The following CDH12 variants were observed in gnomAD, a reference collection of about 807,000 sequenced individuals.
CDH12 encodes the protein cadherin-12.
Under a neutral mutation model 74.1 loss-of-function variants are expected in CDH12, and 41 were observed. The ratio of observed to expected loss-of-function variants is 0.55; its 90% CI spans 0.43 to 0.72. The LOEUF (loss-of-function observed/expected upper bound fraction) is 0.72, where lower values mean the gene tolerates loss of function less well. Ranked by LOEUF, CDH12 falls within the 30% of genes least tolerant of loss-of-function variation. CDH12 has a pLI of 0.00. For missense variants in CDH12, 945 were observed against 977.2 expected, an observed-to-expected ratio of 0.97 and a Z score of 0.44; for synonymous variants, 399 against 355.0, an observed-to-expected ratio of 1.12 and a Z score of -1.39.
intron 1 of CDH12, among the ~76,000 whole-genome samples, chr5:22,850,794 T>C (rs1426260383): frequency 6.6e-6 from 1 of 152,094 alleles, no homozygotes; most frequent in African/African-American, 2.4e-5. Flanking sequence ...AGCCCTTAGA[T>C]TTTATATTTT....
At chr5:21,968,087 G>T (rs1756669189) in intron 6 of CDH12, among the ~76,000 whole-genome samples, 1 of 152,168 alleles carries the variant, frequency 6.6e-6, no homozygotes, top group South Asian at 2.1e-4. Flanking sequence ...AAGGGCAATG[G>T]TAAATACTGA....
At chr5:22,842,876 A>G (rs977093931) in intron 1 of CDH12, among the ~76,000 whole-genome samples, 10 of 152,106 alleles carry the variant, frequency 6.6e-5, no homozygotes, top group Admixed American at 3.3e-4. Flanking sequence ...AACAACAAGC[A>G]ATAAGCCAAA....
intron 4 of CDH12, chr5:22,142,206 T>C (rs1746842043): frequency 6.1e-6 from 1 of 164,508 alleles, no homozygotes; most frequent in South Asian, 1.6e-4. Flanking sequence ...ACAGAAGATA[T>C]CATTTTGGGA....
At chr5:22,342,659 TTC>T (rs1171865006) in intron 3 of CDH12, among the ~76,000 whole-genome samples, 5 of 150,280 alleles carry the variant, frequency 3.3e-5, no homozygotes, top group African/African-American at 9.8e-5. Flanking sequence ...TTTTCTTTCT[TTC>T]TCTTTCTTTC....
chr5:22,287,629 A>G (rs1737210588), intron 3 of CDH12, among the ~76,000 whole-genome samples: 1 of 151,298 alleles, frequency 6.6e-6, no homozygotes, highest in African/African-American at 2.4e-5. Flanking sequence ...AGGCTGAGGC[A>G]GGAGAATGGC....
chr5:22,739,394 A>T (rs1226157610), intron 1 of CDH12, among the ~76,000 whole-genome samples: 2 of 152,026 alleles, frequency 1.3e-5, no homozygotes, highest in Non-Finnish European at 2.9e-5. Context: ...AATGTTGTCC[A>T]CTTTTCTCCC....
chr5:22,451,097 A>T (rs1057146328), intron 2 of CDH12, among the ~76,000 whole-genome samples: 4 of 151,778 alleles, frequency 2.6e-5, no homozygotes, highest in African/African-American at 9.7e-5. Context: ...TATGCATTGC[A>T]CTTACTACTA....
intron 3 of CDH12, among the ~76,000 whole-genome samples, chr5:22,394,766 G>A (rs1742388590): frequency 1.3e-5 from 2 of 152,070 alleles, no homozygotes; most frequent in South Asian, 4.1e-4. Flanking sequence ...TGGTTTCACA[G>A]GTTCATAAAT....
intron 1 of CDH12, among the ~76,000 whole-genome samples, chr5:22,561,948 ATAAT>A (rs1448403672): frequency 2.6e-5 from 4 of 152,186 alleles, no homozygotes; most frequent in African/African-American, 9.6e-5. Context: ...CTTATTGAAG[ATAAT>A]TAAGGAAATA....
intron 6 of CDH12, among the ~76,000 whole-genome samples, chr5:21,927,818 C>A (rs994992702): frequency 1.3e-5 from 2 of 151,600 alleles, no homozygotes; most frequent in Non-Finnish European, 2.9e-5. Flanking sequence ...GTCTGTAATC[C>A]CAGCACTTTG....
intron 3 of CDH12, among the ~76,000 whole-genome samples, chr5:22,356,272 CTTTA>C (rs962779151): frequency 2.0e-5 from 3 of 152,084 alleles, no homozygotes; most frequent in African/African-American, 7.2e-5. Context: ...GTTTTAAAAA[CTTTA>C]TTTATATGAC....
chr5:22,841,341 T>A (rs1026712071), intron 1 of CDH12, among the ~76,000 whole-genome samples: 1 of 152,080 alleles, frequency 6.6e-6, no homozygotes, highest in African/African-American at 2.4e-5. Flanking sequence ...CTTGAGTAAT[T>A]GGAAGGATGG....
At chr5:22,309,345 A>G (rs1304013725) in intron 3 of CDH12, among the ~76,000 whole-genome samples, 1 of 152,220 alleles carries the variant, frequency 6.6e-6, no homozygotes, top group Non-Finnish European at 1.5e-5. Context: ...ACAGAACCAC[A>G]TAAAGAAAAA....
chr5:22,837,560 T>C (rs1370388776), intron 1 of CDH12, among the ~76,000 whole-genome samples: 1 of 152,088 alleles, frequency 6.6e-6, no homozygotes, highest in African/African-American at 2.4e-5. Context: ...CACCAATAGG[T>C]TGTTGACATT....
intron 1 of CDH12, among the ~76,000 whole-genome samples, chr5:22,713,373 CCTCATGAT>C (rs1360245316): frequency 1.1e-4 from 16 of 151,912 alleles, no homozygotes. Flanking sequence ...AATCTCTTGA[CCTCATGAT>C]CTGCCCACCT....
intron 4 of CDH12, chr5:22,172,550 T>C (rs187294722): frequency 6.6e-6 from 1 of 151,996 alleles, no homozygotes; most frequent in Admixed American, 6.6e-5. Context: ...GGTTCATAGT[T>C]AGCTAAATTA....
chr5:22,755,320 T>C (rs1396106639), intron 1 of CDH12, among the ~76,000 whole-genome samples: 1 of 152,172 alleles, frequency 6.6e-6, no homozygotes, highest in Non-Finnish European at 1.5e-5. Context: ...ACTGTATTTG[T>C]TGTTTTTATA....
At chr5:22,643,389 CATG>C (rs1362001048) in intron 1 of CDH12, among the ~76,000 whole-genome samples, 2 of 152,114 alleles carry the variant, frequency 1.3e-5, no homozygotes, top group East Asian at 1.9e-4. Context: ...TTGCTTCAAA[CATG>C]ATATTTCTAT....
chr5:21,889,415 T>G (rs908915071), intron 6 of CDH12, among the ~76,000 whole-genome samples: 1 of 152,136 alleles, frequency 6.6e-6, no homozygotes. Flanking sequence ...CCCTGACCTG[T>G]CACTGCCAGT....
Sources: gnomAD v4.1 joint callset for allele counts (sites outside exome capture counted in the v4.1 genomes callset) on GRCh38, gnomAD v4.1.1 for gene constraint, MANE v1.5 for transcripts, NCBI Gene and HGNC (gene_info 2026-07-23, HGNC 2026-07-21) for gene names.